The following SPMIP4 variants were observed in gnomAD, a reference collection of about 807,000 sequenced individuals.
SPMIP4 encodes sperm-associated microtubule inner protein 4.
the SPMIP4 span, among the ~76,000 whole-genome samples, chr7:25,164,994 T>C: frequency 6.6e-6 from 1 of 152,380 alleles, no homozygotes; most frequent in South Asian, 2.1e-4. Context: ...CCATGGTATA[T>C]CTATGCCACA....
At chr7:25,162,514 T>C in the SPMIP4 span, among the ~76,000 whole-genome samples, 2 of 151,952 alleles carry the variant, frequency 1.3e-5, no homozygotes, top group African/African-American at 2.4e-5. Flanking sequence ...AAATGTAGAA[T>C]GGCCATACCT....
chr7:25,140,560 C>T, the SPMIP4 span, among the ~76,000 whole-genome samples: 11 of 151,994 alleles, frequency 7.2e-5, no homozygotes, highest in East Asian at 2.1e-3. Flanking sequence ...CCTCAGTCTC[C>T]CAAAGTGCTG....
the SPMIP4 span, among the ~76,000 whole-genome samples, chr7:25,171,249 C>T: frequency 6.6e-6 from 1 of 152,144 alleles, no homozygotes; most frequent in East Asian, 1.9e-4. Context: ...ATTTACTCTG[C>T]TTTTTCTTAA....
chr7:25,164,427 C>T, the SPMIP4 span, among the ~76,000 whole-genome samples: 1 of 152,116 alleles, frequency 6.6e-6, no homozygotes, highest in Non-Finnish European at 1.5e-5. Flanking sequence ...ACCTTTTGAA[C>T]ACCTAGTATT....
chr7:25,127,617 T>C, the SPMIP4 span, among the ~76,000 whole-genome samples: 5 of 152,224 alleles, frequency 3.3e-5, no homozygotes, highest in African/African-American at 1.2e-4. Context: ...TTGTTGAGCT[T>C]CCTCAACACA....
At chr7:25,163,003 C>T in the SPMIP4 span, among the ~76,000 whole-genome samples, 9 of 152,144 alleles carry the variant, frequency 5.9e-5, no homozygotes, top group Admixed American at 3.9e-4. The surrounding 1 kb of genome is among the most constrained non-coding windows in gnomAD (Gnocchi z 4.4). Flanking sequence ...TCAGGTGGTC[C>T]GCCCACCTCA....
At chr7:25,143,583 CTTT>C in the SPMIP4 span, among the ~76,000 whole-genome samples, 31,079 of 110,516 alleles carry the variant, frequency 0.28, 3,887 homozygotes, top group African/African-American at 0.31. Context: ...AGTAAAGACA[CTTT>C]TTTTTTTTTT....
At chr7:25,166,093 A>C in the SPMIP4 span, among the ~76,000 whole-genome samples, 1 of 152,186 alleles carries the variant, frequency 6.6e-6, no homozygotes, top group Non-Finnish European at 1.5e-5. Context: ...GTCCAGTTAA[A>C]GAGGCACTTC....
At chr7:25,154,647 C>T in the SPMIP4 span, among the ~76,000 whole-genome samples, 1 of 152,170 alleles carries the variant, frequency 6.6e-6, no homozygotes, top group East Asian at 1.9e-4. Context: ...AACACTGTCC[C>T]TTGTGCTGAT....
At chr7:25,155,627 G>A in the SPMIP4 span, among the ~76,000 whole-genome samples, 40 of 152,270 alleles carry the variant, frequency 2.6e-4, 1 homozygote, top group South Asian at 6.2e-3. Flanking sequence ...ATCTTTGAAT[G>A]AACTTTCAAC....
chr7:25,175,057 T>C, the SPMIP4 span, among the ~76,000 whole-genome samples: 1 of 152,150 alleles, frequency 6.6e-6, no homozygotes, highest in East Asian at 1.9e-4. Context: ...AGCCCAGTAG[T>C]TCTCAATGTA....
chr7:25,133,931 C>A, the SPMIP4 span, among the ~76,000 whole-genome samples: 26 of 152,136 alleles, frequency 1.7e-4, no homozygotes, highest in Admixed American at 1.7e-3. Context: ...AATACCGAAT[C>A]TCTGGATATT....
the SPMIP4 span, chr7:25,136,669 C>A: frequency 1.9e-6 from 3 of 1,614,144 alleles, no homozygotes; most frequent in South Asian, 2.2e-5. The surrounding 1 kb of genome is among the most constrained non-coding windows in gnomAD (Gnocchi z 5.7). Flanking sequence ...TCTAGGAGTA[C>A]AATCTGGACA....
chr7:25,179,216 G>C, the SPMIP4 span: 1 of 1,613,188 alleles, frequency 6.2e-7, no homozygotes, highest in East Asian at 2.2e-5. Flanking sequence ...TCTGGAGGGG[G>C]TTGTGCAATT....
At chr7:25,162,586 A>G in the SPMIP4 span, among the ~76,000 whole-genome samples, 1 of 152,110 alleles carries the variant, frequency 6.6e-6, no homozygotes, top group African/African-American at 2.4e-5. Context: ...CATAACCATG[A>G]TACCCTCTAT....
chr7:25,130,998 GC>G, the SPMIP4 span, among the ~76,000 whole-genome samples: 1 of 152,208 alleles, frequency 6.6e-6, no homozygotes, highest in Non-Finnish European at 1.5e-5. Context: ...TAGGAACAGG[GC>G]CACATAGAAG....
the SPMIP4 span, chr7:25,125,938 G>C: frequency 1.0e-6 from 1 of 985,284 alleles, no homozygotes; most frequent in Non-Finnish European, 1.2e-6. Context: ...ACTGAGGAAG[G>C]TGCTGCATTT....
the SPMIP4 span, chr7:25,126,081 T>TC: frequency 3.6e-6 from 1 of 277,542 alleles, no homozygotes; most frequent in Non-Finnish European, 5.5e-6. Flanking sequence ...AAGAGGTACA[T>TC]GAGATATTTT....
At chr7:25,150,255 C>T in the SPMIP4 span, among the ~76,000 whole-genome samples, 25 of 152,260 alleles carry the variant, frequency 1.6e-4, no homozygotes, top group East Asian at 3.9e-4. Flanking sequence ...AGCTACAGAT[C>T]TGGAGCCTTT....
Sources: gnomAD v4.1 joint callset for allele counts (sites outside exome capture counted in the v4.1 genomes callset) on GRCh38, gnomAD v4.1.1 for gene constraint, Gnocchi (gnomAD v3.1) non-coding constraint, MANE v1.5 for transcripts, NCBI Gene and HGNC (gene_info 2026-07-23, HGNC 2026-07-21) for gene names.